The following USH2A variants were observed in gnomAD, a reference collection of about 807,000 sequenced individuals.
USH2A encodes Usher syndrome 2A (autosomal recessive, mild).
A neutral mutation model predicts 538.9 loss-of-function variants in USH2A; 443 were observed. The ratio of observed to expected loss-of-function variants is 0.82; its 90% CI spans 0.76 to 0.89. The LOEUF (loss-of-function observed/expected upper bound fraction) is 0.89, where lower values mean the gene tolerates loss of function less well. Ranked by LOEUF, USH2A falls within the 40% of genes least tolerant of loss-of-function variation. USH2A has a pLI of 0.00. For synonymous variants in USH2A, 2,413 were observed against 2,273.5 expected (o/e 1.06, Z -1.75); for missense variants, 6,633 against 6,324.8 (o/e 1.05, Z -1.65).
chr1:216,002,995 A>C (rs1668302208), intron 32 of USH2A, among the ~76,000 whole-genome samples: 1 of 152,122 alleles, frequency 6.6e-6, no homozygotes. Flanking sequence ...CTAAGCCCTA[A>C]ACCCACCCAG....
chr1:216,166,189 C>T (rs1458161400), intron 21 of USH2A, among the ~76,000 whole-genome samples: 2 of 152,032 alleles, frequency 1.3e-5, no homozygotes, highest in Admixed American at 6.6e-5. Context: ...CTAAGCTAAC[C>T]CTTTCATGAT....
chr1:216,008,107 T>C (rs1177103493), intron 32 of USH2A, among the ~76,000 whole-genome samples: 1 of 152,162 alleles, frequency 6.6e-6, no homozygotes, highest in African/African-American at 2.4e-5. Context: ...TTAGGTCAGA[T>C]TTCTGGTTTG....
intron 27 of USH2A, among the ~76,000 whole-genome samples, chr1:216,075,312 C>T (rs908769727): frequency 3.9e-5 from 6 of 152,126 alleles, no homozygotes; most frequent in Admixed American, 6.5e-5. Flanking sequence ...AAGGTTGTCC[C>T]GTGCTTTCAA....
At chr1:216,115,970 A>C (rs1418223559) in intron 21 of USH2A, among the ~76,000 whole-genome samples, 1 of 151,506 alleles carries the variant, frequency 6.6e-6, no homozygotes, top group Non-Finnish European at 1.5e-5. Context: ...TTAGTATTTT[A>C]ACAAGTGACT....
At chr1:216,190,141 T>A (rs2102654887) in intron 20 of USH2A, 82 bp downstream of exon 20, 1 of 1,570,308 alleles carries the variant, frequency 6.4e-7, no homozygotes, top group Admixed American at 1.7e-5. Flanking sequence ...ATATAAAGTC[T>A]CAAGTAGAGA....
At chr1:215,853,313 G>A (rs1664070016) in intron 44 of USH2A, among the ~76,000 whole-genome samples, 1 of 152,186 alleles carries the variant, frequency 6.6e-6, no homozygotes, top group Non-Finnish European at 1.5e-5. Flanking sequence ...GAGCCACTGA[G>A]AAACAGGGCA....
chr1:215,714,922 A>G (rs1659440545), intron 61 of USH2A, among the ~76,000 whole-genome samples: 1 of 152,172 alleles, frequency 6.6e-6, no homozygotes, highest in Admixed American at 6.5e-5. Context: ...AAGATTTTTG[A>G]TTATCTTAAG....
intron 18 of USH2A, 98 bp from the exon 19 acceptor site, chr1:216,196,820 C>T: frequency 1.5e-6 from 2 of 1,370,926 alleles, no homozygotes; most frequent in Non-Finnish European, 2.0e-6. Context: ...TCTGAAATAC[C>T]TTTACCTTTT....
At chr1:216,419,977 G>A (rs758508626) in intron 2 of USH2A, among the ~76,000 whole-genome samples, 1 of 152,056 alleles carries the variant, frequency 6.6e-6, no homozygotes, top group Non-Finnish European at 1.5e-5. Context: ...AGTTATGAGT[G>A]CAAGTATATT....
intron 20 of USH2A, among the ~76,000 whole-genome samples, chr1:216,179,391 G>T (rs1041205432): frequency 2.0e-5 from 3 of 152,060 alleles, no homozygotes; most frequent in Non-Finnish European, 4.4e-5. Flanking sequence ...TAAACTTTAA[G>T]TAGTAGAGCA....
intron 11 of USH2A, among the ~76,000 whole-genome samples, chr1:216,277,312 G>A (rs770297959): frequency 2.6e-5 from 4 of 152,052 alleles, no homozygotes; most frequent in Non-Finnish European, 5.9e-5. Flanking sequence ...ATGTGCTCAT[G>A]AACAAATCTT....
intron 11 of USH2A, among the ~76,000 whole-genome samples, chr1:216,285,238 C>T (rs1044688492): frequency 1.3e-5 from 2 of 151,936 alleles, no homozygotes; most frequent in East Asian, 1.9e-4. Flanking sequence ...GGGCCCAGGG[C>T]CCCCCCACTG....
rs112791341 is a variant in USH2A at position 215,909,020 on chromosome 1, T to A, written c.7301-8115A>T. ...ATAATAATACAAGTATATCATTAAATATATTATATATCTACATGTCATATA... is the reference window on the plus strand; with the variant it reads ...ATAATAATACAAGTATATCATTAAAAATATTATATATCTACATGTCATATA... On this transcript the variant is annotated intron_variant, in intron 38 of 71. Transcript: ENST00000307340. Among the ~76,000 whole-genome samples, 257 of 149,456 alleles carry A rather than the reference T, an allele frequency of 1.7e-3. 3 individuals are homozygous for A. The highest frequency in any genetic ancestry group is 4.8e-3 in the African/African-American group (195 of 41,040).
At chr1:216,374,488 T>C (rs1026084003) in intron 3 of USH2A, among the ~76,000 whole-genome samples, 1 of 152,284 alleles carries the variant, frequency 6.6e-6, no homozygotes, top group Non-Finnish European at 1.5e-5. Flanking sequence ...TTATTAATGA[T>C]GTTAACTTTA....
At chr1:216,326,044 G>A (rs910031382) in intron 5 of USH2A, among the ~76,000 whole-genome samples, 5 of 152,174 alleles carry the variant, frequency 3.3e-5, no homozygotes, top group Non-Finnish European at 7.3e-5. Context: ...ACGAAAGCAA[G>A]TATCATTTTA....
intron 37 of USH2A, among the ~76,000 whole-genome samples, chr1:215,939,217 A>AT (rs1368567641): frequency 9.2e-5 from 14 of 152,176 alleles, no homozygotes; most frequent in Non-Finnish European, 1.3e-4. Flanking sequence ...GGAAGAAAAG[A>AT]TTTTTTGTGT....
intron 58 of USH2A, among the ~76,000 whole-genome samples, chr1:215,755,108 T>C (rs1338841075): frequency 6.6e-6 from 1 of 152,186 alleles, no homozygotes; most frequent in African/African-American, 2.4e-5. Context: ...GGGCTACTAT[T>C]TCAAAAACAC....
chr1:215,853,901 G>A (rs1177375249), intron 44 of USH2A, among the ~76,000 whole-genome samples: 1 of 152,130 alleles, frequency 6.6e-6, no homozygotes, highest in African/African-American at 2.4e-5. Flanking sequence ...AATCTTTAGG[G>A]AGTTCCAAAC....
At chr1:215,983,247 C>A (rs1667793464) in intron 35 of USH2A, among the ~76,000 whole-genome samples, 1 of 152,300 alleles carries the variant, frequency 6.6e-6, no homozygotes, top group South Asian at 2.1e-4. Flanking sequence ...CAGGCTTGAG[C>A]CACCACGCCT....
Sources: allele counts gnomAD v4.1 joint callset (sites outside exome capture counted in the v4.1 genomes callset), GRCh38; gene constraint gnomAD v4.1.1; transcripts MANE v1.5; gene names NCBI Gene and HGNC (gene_info 2026-07-23, HGNC 2026-07-21).